Variants in ABCC3 observed in about 807,000 individuals in gnomAD.
ABCC3 encodes the protein ATP-binding cassette sub-family C member 3.
A neutral mutation model predicts 165.3 loss-of-function variants in ABCC3; 121 were observed. That is an observed-to-expected ratio of 0.73 (90% CI 0.63 to 0.85). The LOEUF is 0.85. Ranked by LOEUF, ABCC3 falls within the 40% of genes least tolerant of loss-of-function variation. The probability of loss-of-function intolerance (pLI) is 0.00; values close to 1 mark genes in which losing one functional copy is unlikely to be tolerated. For synonymous variants in ABCC3, 733 were observed against 810.1 expected (o/e 0.90, Z 1.62); for missense variants, 1,869 against 1,964.1 (o/e 0.95, Z 0.92).
At chr17:50,683,537 G>A (rs1163447931) in intron 26 of ABCC3, 73 bp from the exon 27 acceptor site, 2 of 1,453,364 alleles carry the variant, frequency 1.4e-6, no homozygotes, top group East Asian at 5.0e-5. Flanking sequence ...AGGGGCCTTG[G>A]GGGAGAGAGA....
At chr17:50,673,900 T>TTTTCTTTCTTTCTTTCTTTCTTTC in intron 19 of ABCC3, among the ~76,000 whole-genome samples, 2 of 131,624 alleles carry the variant, frequency 1.5e-5, no homozygotes, top group Admixed American at 7.6e-5. Context: ...TCAGAGCCTG[T>TTTTCTTTCTTTCTTTCTTTCTTTC]TTTCTTTCTT....
chr17:50,652,590 G>A (rs1453683787), intron 1 of ABCC3, among the ~76,000 whole-genome samples: 2 of 152,070 alleles, frequency 1.3e-5, no homozygotes, highest in African/African-American at 4.8e-5. Flanking sequence ...TTCCCACTGT[G>A]GCCACTGTAA....
At position 50,678,111 on chromosome 17, in the gene ABCC3, G is replaced by A. The variant is rs1567837493; in HGVS notation, c.3597G>A (p.Val1199=). Residue 1199 remains valine (V), a synonymous_variant, in exon 25 of 31, where the codon GTG becomes GTA. Coordinates refer to ENST00000285238, the MANE Select transcript of ABCC3 (RefSeq NM_003786.4). ...CCCATAGGTGGCTGAGCATCGGAGT[G>A]GAGTTCGTGGGGAACTGCGTGGTGC... ...IISNRWLSIG[V]EFVGNCVVLF... 2 of 1,595,494 alleles carry A rather than the reference G, an allele frequency of 1.3e-6. No homozygotes were observed. Among genetic ancestry groups the A allele is most frequent in the Admixed American group, 3.4e-5 (2 of 58,398 alleles).
chr17:50,679,878 G>A lies in ABCC3; in HGVS notation c.3786G>A (p.Glu1262=). 1 of 1,614,074 alleles carries A rather than the reference G, an allele frequency of 6.2e-7. No homozygotes were observed. The highest frequency in any genetic ancestry group is 8.5e-7 in the Non-Finnish European group (1 of 1,179,946). ...SNIVAVERVK[E]YSKTETEAPW... is the part of the protein sequence containing the mutation. ...TCGTGGCTGTGGAGAGGGTCAAGGAGTACTCCAAGACAGAGACAGAGGTGG... is the reference window on the plus strand; with the variant it reads ...TCGTGGCTGTGGAGAGGGTCAAGGAATACTCCAAGACAGAGACAGAGGTGG... The change falls in exon 26 of 31, where the codon GAG becomes GAA. Residue 1262 remains glutamate, a synonymous_variant. Transcript: ENST00000285238.
intron 1 of ABCC3, among the ~76,000 whole-genome samples, chr17:50,651,415 T>C (rs1469907451): frequency 1.3e-5 from 2 of 152,190 alleles, no homozygotes; most frequent in Non-Finnish European, 2.9e-5. Context: ...CTATTCTTGA[T>C]GCTAAGAGTG....
chr17:50,673,916 C>CT (rs1227296466), intron 19 of ABCC3, among the ~76,000 whole-genome samples: 1 of 12,968 alleles, frequency 7.7e-5, no homozygotes, highest in Non-Finnish European at 1.4e-4. Flanking sequence ...TTCTTTCTTT[C>CT]TTTCTTTCTT....
In ABCC3 at chr17:50,667,580, G is replaced by C; in HGVS notation, c.1458G>C (p.Ser486=). 1.9e-6 allele frequency: 3 copies of C among 1,610,602 alleles called. No individual in the cohort carries two copies. The highest frequency in any genetic ancestry group is 2.5e-6 in the Non-Finnish European group (3 of 1,176,946). Residue 486 remains serine, a synonymous_variant, in exon 12 of 31, where the codon TCG becomes TCC. Transcript: ENST00000285238. ...FQVKQMKLKD[S]RIKLMSEILN... ...TAAAGCAAATGAAATTGAAGGACTC[G>C]CGCATCAAGCTGATGAGTGAGATCC...
intron 19 of ABCC3, chr17:50,674,124 T>C (rs556528747): frequency 6.7e-6 from 1 of 149,862 alleles, no homozygotes; most frequent in Admixed American, 6.8e-5. Flanking sequence ...TGGAGTGCAG[T>C]GGTACAATCT....
chr17:50,670,855 C>G (rs1799204951), intron 17 of ABCC3, among the ~76,000 whole-genome samples: 1 of 152,120 alleles, frequency 6.6e-6, no homozygotes, highest in Non-Finnish European at 1.5e-5. Flanking sequence ...AGGCAGAACC[C>G]TGATTACCTT....
At chr17:50,661,995 G>T (rs1032770331) in intron 8 of ABCC3, among the ~76,000 whole-genome samples, 3 of 152,190 alleles carry the variant, frequency 2.0e-5, no homozygotes, top group Admixed American at 6.5e-5. Flanking sequence ...AGAGGAAATG[G>T]CAACGAGAGG....
intron 1 of ABCC3, among the ~76,000 whole-genome samples, chr17:50,641,715 G>A (rs531071636): frequency 1.2e-4 from 19 of 152,226 alleles, no homozygotes; most frequent in Admixed American, 2.6e-4. Context: ...ATCTGTCTTC[G>A]TGGAGCATAT....
chr17:50,655,782 C>A (rs764673801), intron 1 of ABCC3, 50 bp from the exon 2 acceptor site: 4 of 1,579,214 alleles, frequency 2.5e-6, no homozygotes, highest in Non-Finnish European at 3.5e-6. Context: ...CAAGGCAGCC[C>A]AATTCTCTGT....
chr17:50,680,545 C>T (rs1967909851), intron 26 of ABCC3, among the ~76,000 whole-genome samples: 1 of 152,202 alleles, frequency 6.6e-6, no homozygotes, highest in Admixed American at 6.5e-5. Flanking sequence ...CCCACTGTCA[C>T]AGCAGTCTGC....
At chr17:50,670,271 C>T (rs193067562) in intron 17 of ABCC3, among the ~76,000 whole-genome samples, 10 of 151,944 alleles carry the variant, frequency 6.6e-5, no homozygotes, top group Admixed American at 5.2e-4. Context: ...TTAGTACAGA[C>T]GGGGTTTTGC....
intron 18 of ABCC3, 162 bp from the exon 19 acceptor site, chr17:50,673,307 G>A (rs1048565763): frequency 2.1e-5 from 26 of 1,222,606 alleles, no homozygotes; most frequent in Non-Finnish European, 2.8e-5. Flanking sequence ...CCCCACCTGC[G>A]AGGTTCTGAG....
rs763074343 is a variant in ABCC3, at chr17:50,663,739, G to T, written c.1057G>T (p.Ala353Ser). The change falls in exon 9 of 31, where the codon GCT becomes TCT. Residue 353 changes from alanine to serine, a missense_variant. Transcript: ENST00000285238. ...MAPSWWGFLV[A>S]GLMFLCSMMQ... is the part of the protein sequence containing the mutation. ...CCCCTCCTGGTGGGGCTTCCTGGTG[G>T]CTGGGCTGATGTTCCTGTGCTCCAT... is the stretch of plus-strand genomic sequence containing the variant. 8 of 1,614,094 alleles carry T rather than the reference G, an allele frequency of 5.0e-6. No homozygotes were observed. Among genetic ancestry groups the T allele is most frequent in the Non-Finnish European group, 5.9e-6 (7 of 1,180,048 alleles).
At chr17:50,663,417 G>A (rs754508019) in intron 8 of ABCC3, 55 of 491,014 alleles carry the variant, frequency 1.1e-4, no homozygotes, top group Non-Finnish European at 1.9e-4. Context: ...GCAGGCAGGT[G>A]AGGCTGGTGG....
chr17:50,668,112 T>C, intron 13 of ABCC3, 103 bp downstream of exon 13: 1 of 1,037,988 alleles, frequency 9.6e-7, no homozygotes, highest in Non-Finnish European at 1.4e-6. Context: ...AGTTATTGGA[T>C]TCAGGGAAGG....
At chr17:50,637,114 G>A (rs1161497207) in intron 1 of ABCC3, among the ~76,000 whole-genome samples, 1 of 152,104 alleles carries the variant, frequency 6.6e-6, no homozygotes, top group Non-Finnish European at 1.5e-5. Flanking sequence ...TCTACATTAT[G>A]AAGCCCTCGT....
Sources: gnomAD v4.1 joint callset for allele counts (sites outside exome capture counted in the v4.1 genomes callset) on GRCh38, gnomAD v4.1.1 for gene constraint, MANE v1.5 for transcripts, NCBI Gene and HGNC (gene_info 2026-07-23, HGNC 2026-07-21) for gene names.